Variants in NR2C2 observed in about 807,000 individuals in gnomAD.
NR2C2 encodes the protein nuclear receptor subfamily 2 group C member 2, also known as Nuclear hormone receptor TR4.
A neutral mutation model predicts 62.9 loss-of-function variants in NR2C2; 6 were observed. The observed-to-expected ratio is 0.10, with a 90% CI of 0.05 to 0.19. NR2C2 has a LOEUF of 0.19. NR2C2 is among the 10% of genes least tolerant of loss of function. The pLI, the probability that NR2C2 is intolerant of heterozygous loss-of-function variation, is 1.00. For missense variants in NR2C2, 479 were observed against 762.7 expected (o/e 0.63, Z 4.38); for synonymous variants, 272 against 273.8 (o/e 0.99, Z 0.07).
chr3:14,996,081 A>G (rs892107473), intron 1 of NR2C2, among the ~76,000 whole-genome samples: 1 of 152,212 alleles, frequency 6.6e-6, no homozygotes, highest in African/African-American at 2.4e-5. Flanking sequence ...TCCCTTATCA[A>G]ATGTGATTTG....
chr3:15,018,954 G>A (rs1369892000), intron 4 of NR2C2, among the ~76,000 whole-genome samples: 2 of 144,410 alleles, frequency 1.4e-5, no homozygotes, highest in African/African-American at 2.6e-5. Flanking sequence ...GGCAGAGGTT[G>A]CAGTAAGCCA....
At chr3:15,007,575 A>G (rs1269777094) in intron 2 of NR2C2, among the ~76,000 whole-genome samples, 1 of 152,202 alleles carries the variant, frequency 6.6e-6, no homozygotes, top group Non-Finnish European at 1.5e-5. Context: ...ATTGAACTAA[A>G]AGTTTCATGA....
At chr3:15,021,553 A>T (rs1037303866) in intron 5 of NR2C2, among the ~76,000 whole-genome samples, 8 of 152,182 alleles carry the variant, frequency 5.3e-5, no homozygotes, top group African/African-American at 1.9e-4. Flanking sequence ...TCACTTCCCT[A>T]GCTAGTGGTG....
chr3:15,002,493 G>A (rs1438257489), intron 1 of NR2C2, among the ~76,000 whole-genome samples: 1 of 151,798 alleles, frequency 6.6e-6, no homozygotes, highest in East Asian at 1.9e-4. Flanking sequence ...GTAGAGGATT[G>A]TTTGTGTTTC....
chr3:14,970,919 G>A (rs2125289379), intron 1 of NR2C2, among the ~76,000 whole-genome samples: 2 of 152,292 alleles, frequency 1.3e-5, no homozygotes, highest in South Asian at 4.1e-4. Context: ...TTTGGTAGAA[G>A]CCATACTTCA....
chr3:15,004,868 C>T lies in NR2C2; in HGVS notation c.72+882C>T, dbSNP rs185581641. ...TGATCTTAGCCAAAAGGTCGAGAAG[C>T]GATGGAGAATTAACCCCTTTCTTGC... On this transcript the variant is annotated intron_variant, in intron 2 of 13. Transcript: ENST00000425241. Among the ~76,000 whole-genome samples the T allele has an allele frequency of 5.1e-4, 78 of 152,224 alleles. 1 individual carries two copies. The highest frequency in any genetic ancestry group is 2.2e-4 in the Non-Finnish European group (15 of 68,008).
At chr3:15,009,231 A>G (rs769644221) in intron 2 of NR2C2, among the ~76,000 whole-genome samples, 6 of 152,238 alleles carry the variant, frequency 3.9e-5, no homozygotes, top group Non-Finnish European at 7.3e-5. Flanking sequence ...TCAAAAATAA[A>G]TAAGTAAATA....
chr3:14,989,830 G>C (rs2040616374), intron 1 of NR2C2, among the ~76,000 whole-genome samples: 1 of 150,416 alleles, frequency 6.6e-6, no homozygotes, highest in Admixed American at 6.7e-5. Context: ...TACTCGAGAG[G>C]TGGAGATAAG....
chr3:14,982,220 A>G (rs1341305640), intron 1 of NR2C2, among the ~76,000 whole-genome samples: 1 of 152,142 alleles, frequency 6.6e-6, no homozygotes, highest in Non-Finnish European at 1.5e-5. Context: ...GTGCGCCACC[A>G]TACCCAGCTA....
chr3:15,012,862 GGA>G (rs2041393783), intron 2 of NR2C2, among the ~76,000 whole-genome samples: 1 of 152,198 alleles, frequency 6.6e-6, no homozygotes, highest in Admixed American at 6.5e-5. Flanking sequence ...GTGAAGAAGT[GGA>G]GTCTTGACAG....
rs116648597 is a variant in NR2C2, at chr3:15,031,712, A to G, written c.1111-667A>G. ...CATCTCCCAAAATGCCTGCTAGTCCATGAAGTTGGCCCCTGTTACCCAGAT... is the reference window on the plus strand; with the variant it reads ...CATCTCCCAAAATGCCTGCTAGTCCGTGAAGTTGGCCCCTGTTACCCAGAT... On this transcript the variant is annotated intron_variant, in intron 9 of 13. Transcript: ENST00000425241. Among the ~76,000 whole-genome samples the G allele has an allele frequency of 3.8e-3, 580 of 151,702 alleles. 5 individuals carry two copies. The highest frequency in any genetic ancestry group is 0.013 in the African/African-American group (534 of 41,384).
intron 1 of NR2C2, among the ~76,000 whole-genome samples, chr3:14,994,355 T>C (rs1370494085): frequency 6.6e-6 from 1 of 151,888 alleles, no homozygotes; most frequent in Admixed American, 6.6e-5. Flanking sequence ...CTCCCAATCA[T>C]TACCTGCACC....
rs1233925099 is a variant in NR2C2 at position 14,951,267 on chromosome 3, T to C, written c.-40+3361T>C. Among the ~76,000 whole-genome samples, 3 of 152,196 alleles carry C rather than the reference T, an allele frequency of 2.0e-5. No homozygotes were observed. In the East Asian group the frequency reaches 5.8e-4, roughly 29 times the overall value. On this transcript the variant is annotated intron_variant, in intron 1 of 13. Transcript: ENST00000425241. The stretch of plus-strand genomic sequence containing the variant: ...AGTCTCTGTAGCCATTAATTCGGGA[T>C]ATTTATCTTTCTAAAGATAAATTGA...
chr3:15,027,318 G>A (rs1459026778), intron 7 of NR2C2, among the ~76,000 whole-genome samples: 1 of 152,154 alleles, frequency 6.6e-6, no homozygotes, highest in Non-Finnish European at 1.5e-5. Context: ...ACCTTTGTAT[G>A]GCTATACCAC....
At chr3:14,960,791 T>C (rs2039668084) in intron 1 of NR2C2, among the ~76,000 whole-genome samples, 1 of 152,218 alleles carries the variant, frequency 6.6e-6, no homozygotes, top group Non-Finnish European at 1.5e-5. Context: ...AAAATTCTTA[T>C]TTTCTGTTTT....
chr3:14,999,087 C>T (rs1318467256), intron 1 of NR2C2, among the ~76,000 whole-genome samples: 2 of 152,190 alleles, frequency 1.3e-5, no homozygotes, highest in African/African-American at 2.4e-5. Flanking sequence ...GAGGCCCAGG[C>T]GGGTGGATCA....
intron 4 of NR2C2, among the ~76,000 whole-genome samples, chr3:15,019,142 C>T (rs768822541): frequency 3.3e-5 from 5 of 150,924 alleles, no homozygotes; most frequent in Admixed American, 2.0e-4. Context: ...ACAAGAATCA[C>T]TTGAACCCAG....
intron 2 of NR2C2, among the ~76,000 whole-genome samples, chr3:15,007,653 T>C (rs2041224259): frequency 6.6e-6 from 1 of 152,176 alleles, no homozygotes; most frequent in Non-Finnish European, 1.5e-5. Context: ...TCAGTAAATA[T>C]TTTAGGAATG....
intron 12 of NR2C2, chr3:15,038,508 T>A (rs2042165392): frequency 5.8e-6 from 1 of 173,634 alleles, no homozygotes; most frequent in Non-Finnish European, 1.2e-5. Flanking sequence ...CCAGTACACA[T>A]TGAAGTTCCA....
Sources: allele counts gnomAD v4.1 joint callset (sites outside exome capture counted in the v4.1 genomes callset), GRCh38; gene constraint gnomAD v4.1.1; transcripts MANE v1.5; gene names NCBI Gene and HGNC (gene_info 2026-07-23, HGNC 2026-07-21).